Variants in TAOK1 observed in about 807,000 individuals in gnomAD.
TAOK1 encodes the protein TAO kinase 1, also known as serine/threonine-protein kinase TAO1.
In TAOK1, 21 loss-of-function variants were observed where a neutral mutation model predicts 138.3. The observed-to-expected ratio is 0.15, with a 90% CI of 0.11 to 0.22. The LOEUF (loss-of-function observed/expected upper bound fraction) is 0.22. Among genes scored for constraint, TAOK1 ranks in the 10% least tolerant of loss-of-function variants. The pLI, the probability that TAOK1 is intolerant of heterozygous loss-of-function variation, is 1.00. For synonymous variants in TAOK1, 361 were observed against 398.4 expected (o/e 0.91, Z 1.12); for missense variants, 651 against 1,227.7 (o/e 0.53, Z 7.02).
chr17:29,526,790 C>T (rs2032017105), intron 17 of TAOK1, among the ~76,000 whole-genome samples: 1 of 138,488 alleles, frequency 7.2e-6, no homozygotes, highest in Non-Finnish European at 1.5e-5. Flanking sequence ...AAATTACCAG[C>T]CTGGGCAGCA....
intron 18 of TAOK1, among the ~76,000 whole-genome samples, chr17:29,532,964 GGGGCGGGTGGCC>G: frequency 7.4e-6 from 1 of 135,336 alleles, no homozygotes; most frequent in African/African-American, 2.8e-5. Context: ...CCTCCCGGAC[GGGGCGGGTGGCC>G]GGGCAGGGGG....
chr17:29,430,874 T>G (rs1282822098), intron 1 of TAOK1, among the ~76,000 whole-genome samples: 1 of 152,120 alleles, frequency 6.6e-6, no homozygotes, highest in Non-Finnish European at 1.5e-5. Context: ...GGAGGGTAGC[T>G]TTTTGATGGC....
At chr17:29,482,075 T>A in intron 7 of TAOK1, 122 bp from the exon 8 acceptor site, 1 of 645,052 alleles carries the variant, frequency 1.6e-6, no homozygotes, top group Non-Finnish European at 2.6e-6. Flanking sequence ...TAAAAATTCT[T>A]ATGTCCAGAT....
chr17:29,502,954 TAAATA>T (rs1347268162), intron 13 of TAOK1, among the ~76,000 whole-genome samples: 1 of 152,194 alleles, frequency 6.6e-6, no homozygotes, highest in Non-Finnish European at 1.5e-5. Flanking sequence ...TAGAATATCT[TAAATA>T]AGATAACTAC....
chr17:29,540,177 G>GTTA (rs776349859), intron 19 of TAOK1, among the ~76,000 whole-genome samples: 21 of 152,282 alleles, frequency 1.4e-4, no homozygotes, highest in Admixed American at 2.6e-4. Flanking sequence ...TCTAAAACAT[G>GTTA]TTATTAAAGA....
chr17:29,475,340 G>A (rs1217477709), intron 3 of TAOK1, among the ~76,000 whole-genome samples: 3 of 152,162 alleles, frequency 2.0e-5, no homozygotes. Flanking sequence ...AGGAGTTTGA[G>A]ACCAGTCTGA....
At chr17:29,486,420 G>A (rs1567731888) in intron 8 of TAOK1, among the ~76,000 whole-genome samples, 1 of 152,048 alleles carries the variant, frequency 6.6e-6, no homozygotes, top group East Asian at 1.9e-4. Flanking sequence ...ATCACTTGAG[G>A]TCAGGAGTTT....
At chr17:29,396,358 C>T (rs1271492280) in intron 1 of TAOK1, among the ~76,000 whole-genome samples, 1 of 152,018 alleles carries the variant, frequency 6.6e-6, no homozygotes, top group Non-Finnish European at 1.5e-5. Flanking sequence ...TGTTAAGTAC[C>T]TGGCATGTAA....
rs2032426988 is a variant in TAOK1 at position 29,547,895 on chromosome 17, A to G, written c.*4873A>G. ...CTTAGCGGACTTGCCTCTTGTATGC[A>G]AGGACTACTGATTGAAGTCTGTTTT... On this transcript the variant is annotated 3_prime_UTR_variant, in exon 20 of 20. Transcript: ENST00000261716. 1 of 152,130 alleles carries G rather than the reference A, an allele frequency of 6.6e-6. No homozygotes were observed. Among genetic ancestry groups the G allele is most frequent in the African/African-American group, 2.4e-5 (1 of 41,450 alleles). The allele number at this position is 152,130 out of a possible 1,614,324, so 9.4% of individuals were successfully genotyped here. A position where few individuals can be genotyped will look rare whatever the true frequency, so the allele number is the denominator to read the frequency against.
At chr17:29,406,596 C>T (rs1204960346) in intron 1 of TAOK1, among the ~76,000 whole-genome samples, 3 of 152,022 alleles carry the variant, frequency 2.0e-5, no homozygotes, top group East Asian at 1.9e-4. Context: ...GGCACAATCA[C>T]GGCTCACTGT....
At chr17:29,540,250 A>G (rs933205492) in intron 19 of TAOK1, among the ~76,000 whole-genome samples, 2 of 152,244 alleles carry the variant, frequency 1.3e-5, no homozygotes, top group Non-Finnish European at 2.9e-5. Flanking sequence ...CTTCTCAGGG[A>G]AAGATACCAA....
Position 29,542,644 on chromosome 17 carries a change from A to G in TAOK1, c.2628A>G (p.Glu876=), listed in dbSNP as rs144035845. The G allele has an allele frequency of 2.5e-5, 41 of 1,614,134 alleles. No individual in the cohort carries two copies. In the African/African-American group the frequency reaches 5.3e-4, roughly 21 times the overall value. Residue 876 remains glutamate, a synonymous_variant, in exon 20 of 20, where the codon GAA becomes GAG. Transcript: ENST00000261716. ...TGGAACGTCAAGCCAGAGAGATTGA[A>G]GCTTTTGACTCTGAAAGCATGAGAC... ...SLLERQAREI[E]AFDSESMRLG... is the part of the protein sequence containing the mutation.
intron 16 of TAOK1, 76 bp from the exon 17 acceptor site, chr17:29,522,204 T>G: frequency 1.9e-6 from 3 of 1,544,830 alleles, no homozygotes; most frequent in Non-Finnish European, 2.6e-6. Flanking sequence ...GTTTACTGGT[T>G]ATTCTGTTAA....
At chr17:29,426,947 T>A (rs1392523013) in intron 1 of TAOK1, among the ~76,000 whole-genome samples, 1 of 152,170 alleles carries the variant, frequency 6.6e-6, no homozygotes, top group Non-Finnish European at 1.5e-5. Context: ...GACCCCTAGC[T>A]ACCATAAATT....
intron 2 of TAOK1, 150 bp from the exon 3 acceptor site, chr17:29,466,995 A>T (rs1036453583): frequency 5.6e-5 from 25 of 449,290 alleles, no homozygotes; most frequent in Non-Finnish European, 9.5e-5. Context: ...GTATTGCTGT[A>T]TAGTGTTATT....
rs982658260 is a variant in TAOK1, at chr17:29,548,023, G to A, written c.*5001G>A. 1 of 152,150 alleles carries A rather than the reference G, an allele frequency of 6.6e-6. No homozygotes were observed. The highest frequency in any genetic ancestry group is 1.9e-4 in the East Asian group (1 of 5,204). 9.4% of individuals were successfully genotyped at this position (152,150 alleles called of 1,614,324 possible). On this transcript the variant is annotated 3_prime_UTR_variant, in exon 20 of 20. Transcript: ENST00000261716. ...AAAGAAGTAAGTTTTATTAAACACT[G>A]TCTAGAAAAAGAAAGTGAAGCTGAG... is the stretch of plus-strand genomic sequence containing the variant.
At chr17:29,466,648 T>C (rs2030676453) in intron 2 of TAOK1, among the ~76,000 whole-genome samples, 4 of 152,340 alleles carry the variant, frequency 2.6e-5, no homozygotes, top group Admixed American at 2.6e-4. Flanking sequence ...TCTTATATAT[T>C]CTGGAAAGTT....
At position 29,548,209 on chromosome 17, in the gene TAOK1, C is replaced by A. The variant is rs190723275; in HGVS notation, c.*5187C>A. 1 of 152,066 alleles carries A rather than the reference C, an allele frequency of 6.6e-6. No homozygotes were observed. Among genetic ancestry groups the A allele is most frequent in the Non-Finnish European group, 1.5e-5 (1 of 67,980 alleles). 9.4% of individuals were successfully genotyped at this position (152,066 alleles called of 1,614,324 possible). A position where few individuals can be genotyped will look rare whatever the true frequency, so the allele number is the denominator to read the frequency against. On this transcript the variant is annotated 3_prime_UTR_variant, in exon 20 of 20. Transcript: ENST00000261716. The stretch of plus-strand genomic sequence containing the variant: ...TTTAGCTTAACGGTAGTCTTTAGAT[C>A]ATAAGAAATATATAAATTAGTATGC...
In TAOK1 at chr17:29,458,089, G is replaced by A. The variant is rs369005844; in HGVS notation, c.132+6409G>A. On this transcript the variant is annotated intron_variant, in intron 2 of 19. Transcript: ENST00000261716. ...TGCGCCACTGGGCTCCAGCCTGGGCGACAGAGTGAGACTCCATCTTGAAAA... is the reference window on the plus strand; with the variant it reads ...TGCGCCACTGGGCTCCAGCCTGGGCAACAGAGTGAGACTCCATCTTGAAAA... 6.2e-4 allele frequency among the ~76,000 whole-genome samples: 91 copies of A among 147,670 alleles called. No individual in the cohort carries two copies. The South Asian group carries it at 0.018, about 30-fold the overall frequency.
Sources: gnomAD v4.1 joint callset for allele counts (sites outside exome capture counted in the v4.1 genomes callset) on GRCh38, gnomAD v4.1.1 for gene constraint, MANE v1.5 for transcripts, NCBI Gene and HGNC (gene_info 2026-07-23, HGNC 2026-07-21) for gene names.